The following SMARCD3 variants were observed in gnomAD, a reference collection of about 807,000 sequenced individuals.
SMARCD3 encodes the protein SWI/SNF-related matrix-associated actin-dependent regulator of chromatin subfamily D member 3.
A neutral mutation model predicts 58.0 loss-of-function variants in SMARCD3; 14 were observed. The ratio of observed to expected loss-of-function variants is 0.24; its 90% CI spans 0.16 to 0.38. The LOEUF is 0.38. Among genes scored for constraint, SMARCD3 ranks in the 10% least tolerant of loss-of-function variants. The probability of loss-of-function intolerance (pLI) is 1.00; values close to 1 mark genes in which losing one functional copy is unlikely to be tolerated. For missense variants in SMARCD3, 408 were observed against 636.9 expected, an observed-to-expected ratio of 0.64 and a Z score of 3.87; for synonymous variants, 253 against 253.8, an observed-to-expected ratio of 1.00 and a Z score of 0.03.
At chr7:151,270,812 C>G (rs1480320999) in intron 2 of SMARCD3, among the ~76,000 whole-genome samples, 1 of 152,094 alleles carries the variant, frequency 6.6e-6, no homozygotes, top group Non-Finnish European at 1.5e-5. Context: ...AGGGACAAGG[C>G]TGAGTATGCG....
intron 2 of SMARCD3, among the ~76,000 whole-genome samples, chr7:151,263,756 C>G (rs1803991645): frequency 6.6e-6 from 1 of 152,172 alleles, no homozygotes; most frequent in Non-Finnish European, 1.5e-5. Context: ...ACTGATCGTC[C>G]CATTTCTCCA....
chr7:151,251,833 C>T (rs1803523265), upstream of SMARCD3, among the ~76,000 whole-genome samples: 1 of 150,778 alleles, frequency 6.6e-6, no homozygotes, highest in East Asian at 2.0e-4. Context: ...GGGAGAGATG[C>T]GCCGCGGCCT....
upstream of SMARCD3, among the ~76,000 whole-genome samples, chr7:151,252,313 G>T (rs1344914891): frequency 6.6e-6 from 1 of 152,012 alleles, no homozygotes; most frequent in African/African-American, 2.4e-5. Flanking sequence ...GAGGGAGAAC[G>T]GATTGCTTGG....
intron 2 of SMARCD3, among the ~76,000 whole-genome samples, chr7:151,260,004 C>T (rs565192859): frequency 6.6e-6 from 1 of 152,280 alleles, no homozygotes; most frequent in Admixed American, 6.5e-5. Flanking sequence ...CCTGTCTGAT[C>T]CCAACAGATA....
rs1261120373 is a variant in SMARCD3 at position 151,241,485 on chromosome 7, A to G, written c.939+7T>C. 1 of 1,610,508 alleles carries G rather than the reference A, an allele frequency of 6.2e-7. No individual in the cohort carries two copies. The highest frequency in any genetic ancestry group is 1.1e-5 in the South Asian group (1 of 90,152). ...CCCCAGATCCCAGGGTTCAGGAGAGAGGTTACCTGCTGGAAATACTTGTCC... is the reference window on the plus strand; with the variant it reads ...CCCCAGATCCCAGGGTTCAGGAGAGGGGTTACCTGCTGGAAATACTTGTCC... On this transcript the variant is annotated splice_region_variant and intron_variant, in intron 8 of 12. Coordinates refer to ENST00000262188, the MANE Select transcript of SMARCD3 (RefSeq NM_001003801.2). This position sits in a 1 kb window ranked among gnomAD's most constrained non-coding sequence, Gnocchi z 5.3.
At chr7:151,263,359 G>GA (rs1191629257) in intron 2 of SMARCD3, among the ~76,000 whole-genome samples, 1 of 152,096 alleles carries the variant, frequency 6.6e-6, no homozygotes, top group Non-Finnish European at 1.5e-5. Context: ...GGAGGTTGGG[G>GA]AGAGAGAGGC....
In SMARCD3 at chr7:151,248,042, C is replaced by G. The variant is rs1803356627; in HGVS notation, c.78+443G>C. 6.6e-6 allele frequency among the ~76,000 whole-genome samples: 1 copy of G among 152,178 alleles called. No individual in the cohort carries two copies. The highest frequency in any genetic ancestry group is 1.5e-5 in the Non-Finnish European group (1 of 68,026). On this transcript the variant is annotated intron_variant, in intron 1 of 12. Coordinates refer to ENST00000262188, the MANE Select transcript of SMARCD3 (RefSeq NM_001003801.2). The surrounding 1 kb of genome is among the most constrained non-coding windows in gnomAD (Gnocchi z 6.1). ...ACAGTGCCTCCAGGGTCACCTGCTCCTTGCTCCGGAGACACAAGCAGTGAC... is the reference window on the plus strand; with the variant it reads ...ACAGTGCCTCCAGGGTCACCTGCTCGTTGCTCCGGAGACACAAGCAGTGAC...
At chr7:151,272,723 G>A (rs1379319344) in intron 2 of SMARCD3, among the ~76,000 whole-genome samples, 3 of 152,120 alleles carry the variant, frequency 2.0e-5, no homozygotes, top group Non-Finnish European at 4.4e-5. Context: ...CCTCCTCTAC[G>A]GTCCTTTATG....
intron 2 of SMARCD3, among the ~76,000 whole-genome samples, chr7:151,257,327 G>A (rs1276853185): frequency 6.6e-6 from 1 of 152,204 alleles, no homozygotes. Context: ...AGCTCCCGCT[G>A]CTCCACTGAA....
chr7:151,244,984 A>G (rs1201962619), intron 2 of SMARCD3, among the ~76,000 whole-genome samples: 2 of 152,204 alleles, frequency 1.3e-5, no homozygotes, highest in Non-Finnish European at 2.9e-5. Context: ...CAAATCCCCA[A>G]GCTCCACCCC....
At chr7:151,256,480 C>G (rs1258295074) in intron 2 of SMARCD3, among the ~76,000 whole-genome samples, 1 of 152,120 alleles carries the variant, frequency 6.6e-6, no homozygotes, top group Non-Finnish European at 1.5e-5. Flanking sequence ...CCCTTGTGTA[C>G]ACTCTTGACT....
chr7:151,239,319 G>T lies in SMARCD3; in HGVS notation c.1398+77C>A. 7.3e-7 allele frequency: 1 copy of T among 1,372,364 alleles called. No individual in the cohort carries two copies. Among genetic ancestry groups the T allele is most frequent in the Non-Finnish European group, 1.0e-6 (1 of 962,436 alleles). The allele number at this position is 1,372,364 out of a possible 1,614,324, so 85.0% of individuals were successfully genotyped here. A position where few individuals can be genotyped will look rare whatever the true frequency, so the allele number is the denominator to read the frequency against. On this transcript the variant is annotated intron_variant, in intron 12 of 12. Coordinates refer to ENST00000262188, the MANE Select transcript of SMARCD3 (RefSeq NM_001003801.2). The surrounding 1 kb of genome is among the most constrained non-coding windows in gnomAD (Gnocchi z 7.0). Reference sequence around the variant, plus strand: ...AGCTTTACTGTGGGGAGCTGCGAGGGCTGCCCACAAGCTGAACAGGGAGGT... The same window carrying T: ...AGCTTTACTGTGGGGAGCTGCGAGGTCTGCCCACAAGCTGAACAGGGAGGT...
rs1308739874 is a variant in SMARCD3 at position 151,243,925 on chromosome 7, T to C, written c.291-224A>G. Among the ~76,000 whole-genome samples, 2 of 152,154 alleles carry C rather than the reference T, an allele frequency of 1.3e-5. No homozygotes were observed. The highest frequency in any genetic ancestry group is 1.5e-5 in the Non-Finnish European group (1 of 68,032). ...CCATTCTCTGGCCTGGGAGCCCCCT[T>C]CTACCCTGCCACATCCTCAGGGACA... On this transcript the variant is annotated intron_variant, in intron 2 of 12. Transcript: ENST00000262188. This position sits in a 1 kb window ranked among gnomAD's most constrained non-coding sequence, Gnocchi z 4.4.
chr7:151,240,037 C>T lies in SMARCD3; in HGVS notation c.1173+75G>A, dbSNP rs966615113. ...AACCCAGACTGCTCATCTGCAACCA[C>T]ACCCTGGTCTCAGAAAAGTCTCCTC... On this transcript the variant is annotated intron_variant, in intron 10 of 12. Coordinates refer to ENST00000262188, the MANE Select transcript of SMARCD3 (RefSeq NM_001003801.2). 16 of 1,453,450 alleles carry T rather than the reference C, an allele frequency of 1.1e-5. No homozygotes were observed. In the East Asian group the frequency reaches 3.0e-4, roughly 27 times the overall value. 90.0% of individuals were successfully genotyped at this position (1,453,450 alleles called of 1,614,324 possible).
At chr7:151,247,691 A>C (rs910057933) in intron 1 of SMARCD3, among the ~76,000 whole-genome samples, 101 of 132,246 alleles carry the variant, frequency 7.6e-4, no homozygotes, top group African/African-American at 1.0e-3. Flanking sequence ...CCCATTCCCC[A>C]CCCCTCCATA....
At chr7:151,248,843 G>T (rs545447522), upstream of SMARCD3, 168 of 254,036 alleles carry the variant, frequency 6.6e-4, no homozygotes, top group Admixed American at 9.5e-4. The surrounding 1 kb of genome is among the most constrained non-coding windows in gnomAD (Gnocchi z 6.1). Context: ...CTGTTGACTC[G>T]GCGGGGACGG....
Position 151,248,575 on chromosome 7 carries a change from A to T in SMARCD3, c.-13T>A, listed in dbSNP as rs1160524117. 1.9e-6 allele frequency: 3 copies of T among 1,613,336 alleles called. No individual in the cohort carries two copies. In the South Asian group the frequency reaches 3.3e-5, roughly 18 times the overall value. On this transcript the variant is annotated 5_prime_UTR_variant, in exon 1 of 13. Coordinates refer to ENST00000262188, the MANE Select transcript of SMARCD3 (RefSeq NM_001003801.2). The surrounding 1 kb of genome is among the most constrained non-coding windows in gnomAD (Gnocchi z 6.1). ...CGTCCGCGGCCATCGGGGTGGGCTC[A>T]GCGGCTCCTCTCACTCTCTCTCTCT...
chr7:151,249,100 A>G (rs1803418937), upstream of SMARCD3: 1 of 151,958 alleles, frequency 6.6e-6, no homozygotes, highest in South Asian at 2.1e-4. This position sits in a 1 kb window ranked among gnomAD's most constrained non-coding sequence, Gnocchi z 4.8. Context: ...GTCAGTTCCA[A>G]CTTTTCCCCC....
rs866187174 is a variant in SMARCD3 at position 151,242,940 on chromosome 7, T to C, written c.334-97A>G. On this transcript the variant is annotated intron_variant, in intron 3 of 12. Coordinates refer to ENST00000262188, the MANE Select transcript of SMARCD3 (RefSeq NM_001003801.2). The surrounding 1 kb of genome is among the most constrained non-coding windows in gnomAD (Gnocchi z 4.7). ...GTGCAATCCTAGGGTACAAAAGATG[T>C]CAGGGGAGCCATCCTACTTTTGGGC... is the stretch of plus-strand genomic sequence containing the variant. The C allele has an allele frequency of 6.9e-6, 10 of 1,453,992 alleles. No individual in the cohort carries two copies. In the Middle Eastern group the frequency reaches 1.5e-3, roughly 214 times the overall value. The allele number at this position is 1,453,992 out of a possible 1,614,324, so 90.1% of individuals were successfully genotyped here. A position where few individuals can be genotyped will look rare whatever the true frequency, so the allele number is the denominator to read the frequency against.
Sources: gnomAD v4.1 joint callset for allele counts (sites outside exome capture counted in the v4.1 genomes callset) on GRCh38, gnomAD v4.1.1 for gene constraint, Gnocchi (gnomAD v3.1) non-coding constraint, MANE v1.5 for transcripts, NCBI Gene and HGNC (gene_info 2026-07-23, HGNC 2026-07-21) for gene names.